The following CA5B variants were observed in gnomAD, a reference collection of about 807,000 sequenced individuals.
The protein encoded by CA5B is carbonic anhydrase 5B.
In CA5B, 15 loss-of-function variants were observed where a neutral mutation model predicts 23.1. The observed-to-expected ratio is 0.65, with a 90% CI of 0.43 to 1.00. CA5B has a LOEUF of 1.00. Among genes scored for constraint, CA5B ranks in the 50% least tolerant of loss-of-function variants. The pLI is 0.00. For missense variants in CA5B, 236 were observed against 252.2 expected (o/e 0.94, Z 0.43); for synonymous variants, 84 against 98.5 (o/e 0.85, Z 0.87).
intron 3 of CA5B, chrX:15,766,769 A>G (rs2147263946): frequency 5.0e-6 from 1 of 199,695 alleles, no homozygotes; most frequent in African/African-American, 3.0e-5. Context: ...GAAAAATGAT[A>G]CTGATATATG....
chrX:15,761,912 T>A (rs1304215357), intron 2 of CA5B, among the ~76,000 whole-genome samples: 1 of 112,306 alleles, frequency 8.9e-6, no homozygotes, highest in Admixed American at 9.5e-5. Context: ...GAGAGCTCTT[T>A]GTCTGTATTG....
Position 15,783,297 on chromosome X carries a change from A to C in CA5B, c.*633A>C. The C allele has an allele frequency of 8.9e-6, 1 of 111,971 alleles. No individual in the cohort carries two copies. The highest frequency in any genetic ancestry group is 1.9e-5 in the Non-Finnish European group (1 of 53,234). The allele number at this position is 111,971 out of a possible 1,213,427, so 9.2% of individuals were successfully genotyped here. ...GTGTATTCTTTCATAAGGGCTTATC[A>C]GTCAGTATATTTGCCCCAGTGTTTA... On this transcript the variant is annotated 3_prime_UTR_variant, in exon 8 of 8. Transcript: ENST00000318636.
intron 3 of CA5B, chrX:15,769,662 T>C (rs1931781072): frequency 6.4e-6 from 4 of 627,743 alleles, no homozygotes; most frequent in Non-Finnish European, 7.6e-6. Flanking sequence ...CTACATTTAC[T>C]TTAAAACACA....
intron 2 of CA5B, among the ~76,000 whole-genome samples, chrX:15,756,600 T>C (rs999948011): frequency 1.8e-5 from 2 of 112,487 alleles, no homozygotes; most frequent in African/African-American, 6.5e-5. Context: ...AAGGAAGGGC[T>C]TCTAAGCACA....
chrX:15,779,269 T>C (rs535166453), intron 7 of CA5B, among the ~76,000 whole-genome samples: 2 of 111,590 alleles, frequency 1.8e-5, no homozygotes, highest in South Asian at 7.5e-4. Flanking sequence ...TCAGAGCAAA[T>C]TCAGCCTTCC....
chrX:15,754,868 G>T (rs1200523775), intron 2 of CA5B, among the ~76,000 whole-genome samples: 2 of 112,306 alleles, frequency 1.8e-5, no homozygotes, highest in Non-Finnish European at 3.8e-5. Flanking sequence ...AGCCAGCAGT[G>T]TATAAAATGC....
At chrX:15,753,159 A>G (rs980429771) in intron 2 of CA5B, among the ~76,000 whole-genome samples, 2 of 112,230 alleles carry the variant, frequency 1.8e-5, no homozygotes, top group Non-Finnish European at 3.8e-5. Flanking sequence ...GCTGTGTCAC[A>G]GGCCACAGTC....
At chrX:15,750,239 G>A in intron 2 of CA5B, 74 bp downstream of exon 2, 1 of 826,837 alleles carries the variant, frequency 1.2e-6, no homozygotes, top group South Asian at 2.5e-5. Flanking sequence ...TCATCTCTTA[G>A]AAAAAAAGAG....
rs1456773150 is a variant in CA5B at position 15,786,354 on chromosome X, A to T, written c.*3690A>T. ...TGGTTTGCATGGCCAGCTTCCCTGC[A>T]GAGGTGATAGAAACTGACTTGAGGC... is the stretch of plus-strand genomic sequence containing the variant. On this transcript the variant is annotated 3_prime_UTR_variant, in exon 8 of 8. Transcript: ENST00000318636. 2 of 111,498 alleles carry T rather than the reference A, an allele frequency of 1.8e-5. No homozygotes were observed. The highest frequency in any genetic ancestry group is 3.8e-5 in the Non-Finnish European group (2 of 53,144). 9.2% of individuals were successfully genotyped at this position (111,498 alleles called of 1,213,427 possible).
intron 4 of CA5B, among the ~76,000 whole-genome samples, chrX:15,773,840 C>T (rs1202251725): frequency 2.7e-5 from 3 of 111,690 alleles, no homozygotes; most frequent in Non-Finnish European, 5.6e-5. Flanking sequence ...AGGTGTGAGC[C>T]ACCACACCCA....
At chrX:15,748,708 A>ACC (rs565940460) in intron 1 of CA5B, among the ~76,000 whole-genome samples, 41 of 58,285 alleles carry the variant, frequency 7.0e-4, no homozygotes, top group South Asian at 3.1e-3. Flanking sequence ...TATAGTGAGA[A>ACC]CCCCCCCCCC....
chrX:15,757,054 C>CAA (rs35364577), intron 2 of CA5B, among the ~76,000 whole-genome samples: 715 of 59,609 alleles, frequency 0.012, 7 homozygotes, highest in East Asian at 0.015. Flanking sequence ...GACTCCGTCT[C>CAA]AAAAAAAAAA....
chrX:15,752,872 G>C (rs1318187593), intron 2 of CA5B, among the ~76,000 whole-genome samples: 2 of 111,362 alleles, frequency 1.8e-5, no homozygotes, highest in Non-Finnish European at 3.8e-5. Context: ...AAGGAACTTT[G>C]ATCTCCACAA....
intron 2 of CA5B, among the ~76,000 whole-genome samples, chrX:15,760,614 C>G (rs752762672): frequency 9.0e-6 from 1 of 111,432 alleles, no homozygotes; most frequent in Non-Finnish European, 1.9e-5. Flanking sequence ...ATGACCAAGG[C>G]GTCGTCTTAG....
intron 2 of CA5B, among the ~76,000 whole-genome samples, chrX:15,758,668 A>G (rs1399751884): frequency 9.0e-6 from 1 of 110,691 alleles, no homozygotes; most frequent in Non-Finnish European, 1.9e-5. Context: ...CACCACACCC[A>G]GCTAATGTTT....
chrX:15,741,259 G>C, intron 1 of CA5B, among the ~76,000 whole-genome samples: 1 of 106,462 alleles, frequency 9.4e-6, no homozygotes. Context: ...GTGGAGATGG[G>C]GTTTTGCTAT....
chrX:15,761,115 A>G (rs1330651721), intron 2 of CA5B, among the ~76,000 whole-genome samples: 3 of 111,952 alleles, frequency 2.7e-5, no homozygotes, highest in Non-Finnish European at 3.8e-5. Context: ...CTGAGGTTGT[A>G]TATTTTATGA....
At chrX:15,760,491 A>G (rs1213245101) in intron 2 of CA5B, among the ~76,000 whole-genome samples, 1 of 111,574 alleles carries the variant, frequency 9.0e-6, no homozygotes, top group Non-Finnish European at 1.9e-5. Flanking sequence ...TCTTGTCATT[A>G]TGGTCATTAA....
intron 6 of CA5B, chrX:15,775,743 A>T (rs772867993): frequency 1.1e-5 from 8 of 751,269 alleles, no homozygotes; most frequent in East Asian, 1.5e-4. Flanking sequence ...CCCAATATTA[A>T]TTCTTCAATA....
Sources: allele counts gnomAD v4.1 joint callset (sites outside exome capture counted in the v4.1 genomes callset), GRCh38; gene constraint gnomAD v4.1.1; transcripts MANE v1.5; gene names NCBI Gene and HGNC (gene_info 2026-07-23, HGNC 2026-07-21).